FGF13: variants seen among roughly 807,000 people sequenced by gnomAD.
FGF13 encodes the protein fibroblast growth factor 13.
Under a neutral mutation model 19.5 loss-of-function variants are expected in FGF13, and 2 were observed. The observed-to-expected ratio is 0.10, with a 90% CI of 0.04 to 0.32. The LOEUF is 0.32. FGF13 is among the 10% of genes least tolerant of loss of function. The pLI is 1.00. For missense variants in FGF13, 113 were observed against 192.7 expected, an observed-to-expected ratio of 0.59 and a Z score of 2.45; for synonymous variants, 72 against 76.9, an observed-to-expected ratio of 0.94 and a Z score of 0.33.
rs2089016929 is a variant in FGF13, at chrX:138,621,719, A to T, written c.*11131T>A. 1 of 111,609 alleles carries T rather than the reference A, an allele frequency of 9.0e-6. No individual in the cohort carries two copies. The highest frequency in any genetic ancestry group is 3.7e-4 in the South Asian group (1 of 2,726). 9.2% of individuals were successfully genotyped at this position (111,609 alleles called of 1,213,427 possible). A position where few individuals can be genotyped will look rare whatever the true frequency, so the allele number is the denominator to read the frequency against. On this transcript the variant is annotated 3_prime_UTR_variant, in exon 5 of 5. Coordinates refer to ENST00000315930, the MANE Select transcript of FGF13 (RefSeq NM_004114.5). ...TTTAGCTAGAGTAACTGAGAGTGAAAGAGAAAAGACATAAACAAATAAAAT... is the reference window on the plus strand; with the variant it reads ...TTTAGCTAGAGTAACTGAGAGTGAATGAGAAAAGACATAAACAAATAAAAT...
intron 1 of FGF13, among the ~76,000 whole-genome samples, chrX:138,970,201 T>C (rs1319718740): frequency 8.9e-6 from 1 of 111,871 alleles, no homozygotes; most frequent in African/African-American, 3.3e-5. Flanking sequence ...AGTGCATGAA[T>C]GATGTCTGTT....
At chrX:139,009,846 A>C (rs894916673) in intron 1 of FGF13, among the ~76,000 whole-genome samples, 2 of 111,869 alleles carry the variant, frequency 1.8e-5, no homozygotes, top group Admixed American at 1.9e-4. Context: ...TACTCCACTT[A>C]AAAAACACAG....
chrX:138,695,032 C>T (rs1004125603), intron 3 of FGF13, among the ~76,000 whole-genome samples: 1 of 98,120 alleles, frequency 1.0e-5, no homozygotes, highest in Non-Finnish European at 2.1e-5. Context: ...CACACACACA[C>T]AAACCCAGAA....
At chrX:139,152,673 G>GA (rs2083944483) in intron 1 of FGF13, among the ~76,000 whole-genome samples, 1 of 110,780 alleles carries the variant, frequency 9.0e-6, no homozygotes, top group South Asian at 3.9e-4. Flanking sequence ...CTGCCCAGGG[G>GA]AAAAAAATCA....
intron 1 of FGF13, among the ~76,000 whole-genome samples, chrX:139,099,377 C>CAAAAAAAAAAAA (rs59882808): frequency 5.8e-4 from 19 of 32,942 alleles, no homozygotes; most frequent in African/African-American, 1.5e-3. Context: ...GTTTCTATCT[C>CAAAAAAAAAAAA]AAAAAAAAAA....
intron 1 of FGF13, among the ~76,000 whole-genome samples, chrX:138,922,564 A>G (rs184984734): frequency 2.0e-4 from 22 of 111,686 alleles, no homozygotes; most frequent in East Asian, 2.8e-4. Context: ...CTGCCTTCCA[A>G]TTGTCCACTA....
Position 139,196,548 on chromosome X carries a change from A to G in FGF13, c.-113+6868T>C, listed in dbSNP as rs754467574. Among the ~76,000 whole-genome samples the G allele has an allele frequency of 6.2e-5, 7 of 112,438 alleles. No homozygotes were observed. In the East Asian group the frequency reaches 2.0e-3, roughly 32 times the overall value. ...GCCCTGGAGCAACCATGTATTTAGT[A>G]TAGGCACACTCCTCCTAATTATGTC... On this transcript the variant is annotated intron_variant, in intron 1 of 2. Coordinates refer to the FGF13 transcript ENST00000421460.
chrX:138,978,266 G>GTTTTTTTTTTTTTTGTTTT lies in FGF13; in HGVS notation c.-112-113617_-112-113616insAAAACAAAAAAAAAAAAAA, dbSNP rs761673065. Among the ~76,000 whole-genome samples, 154 of 82,887 alleles carry GTTTTTTTTTTTTTTGTTTT rather than the reference G, an allele frequency of 1.9e-3. 12 individuals carry two copies. The highest frequency in any genetic ancestry group is 7.2e-3 in the African/African-American group (146 of 20,400). The allele number at this position is 82,887 out of a possible 115,157, so 72.0% of individuals were successfully genotyped here. A position where few individuals can be genotyped will look rare whatever the true frequency, so the allele number is the denominator to read the frequency against. On this transcript the variant is annotated intron_variant, in intron 1 of 2. Coordinates refer to the FGF13 transcript ENST00000421460. ...TAATCTCTATGGGCTAGCTGCCCTGGTTTTTTTTTTTTTTGAGATGGAGTC... is the reference window on the plus strand; with the variant it reads ...TAATCTCTATGGGCTAGCTGCCCTGGTTTTTTTTTTTTTTGTTTTTTTTTTTTTTTTTTGAGATGGAGTC...
chrX:138,936,072 AG>A (rs1280128836), intron 1 of FGF13, among the ~76,000 whole-genome samples: 2 of 112,374 alleles, frequency 1.8e-5, no homozygotes, highest in Non-Finnish European at 3.8e-5. Context: ...GGTGATTCCA[AG>A]GTCCCAAAGT....
intron 3 of FGF13, among the ~76,000 whole-genome samples, chrX:138,669,512 A>G (rs909592526): frequency 9.0e-6 from 1 of 111,533 alleles, no homozygotes; most frequent in Non-Finnish European, 1.9e-5. Flanking sequence ...TTTTCAACAA[A>G]TAACTGTCTC....
At chrX:138,672,187 T>C (rs1481629935) in intron 3 of FGF13, among the ~76,000 whole-genome samples, 1 of 111,138 alleles carries the variant, frequency 9.0e-6, no homozygotes, top group Non-Finnish European at 1.9e-5. Flanking sequence ...ACTAAGGATT[T>C]TGGACGTTGA....
At chrX:138,721,268 A>G (rs1299708866) in intron 1 of FGF13, among the ~76,000 whole-genome samples, 1 of 111,906 alleles carries the variant, frequency 8.9e-6, no homozygotes, top group Non-Finnish European at 1.9e-5. Context: ...CAAATTAAAG[A>G]TTGTGTGAAA....
At chrX:138,960,302 A>C (rs975187851) in intron 1 of FGF13, among the ~76,000 whole-genome samples, 1 of 111,779 alleles carries the variant, frequency 8.9e-6, no homozygotes, top group Non-Finnish European at 1.9e-5. Context: ...GCTGGATATG[A>C]AATTCTGGGT....
chrX:139,009,922 G>A (rs1040524380), intron 1 of FGF13, among the ~76,000 whole-genome samples: 2 of 111,409 alleles, frequency 1.8e-5, no homozygotes, highest in East Asian at 2.8e-4. Context: ...CACCTAACAC[G>A]TAAGGACCCA....
chrX:138,654,399 A>G (rs912353322), intron 3 of FGF13, among the ~76,000 whole-genome samples: 8 of 112,177 alleles, frequency 7.1e-5, no homozygotes, highest in Admixed American at 4.7e-4. Context: ...GTCTATAGTC[A>G]GCATCAAATC....
At chrX:139,144,260 C>T (rs1284838462) in intron 1 of FGF13, among the ~76,000 whole-genome samples, 1 of 108,631 alleles carries the variant, frequency 9.2e-6, no homozygotes, top group Non-Finnish European at 1.9e-5. Flanking sequence ...TTAAGTTCAG[C>T]CCAGCCCTTG....
chrX:139,111,446 A>C (rs1291398124), intron 1 of FGF13, among the ~76,000 whole-genome samples: 1 of 112,259 alleles, frequency 8.9e-6, no homozygotes, highest in Non-Finnish European at 1.9e-5. Context: ...TAGTTATAGC[A>C]ACATACTCTA....
At chrX:138,862,220 A>G (rs2091292174) in intron 2 of FGF13, among the ~76,000 whole-genome samples, 1 of 112,060 alleles carries the variant, frequency 8.9e-6, no homozygotes, top group African/African-American at 3.2e-5. Context: ...GGCCACTGTA[A>G]TTCGCAAGGT....
intron 1 of FGF13, among the ~76,000 whole-genome samples, chrX:139,114,553 G>T (rs749130246): frequency 9.0e-6 from 1 of 111,513 alleles, no homozygotes; most frequent in Admixed American, 9.6e-5. Context: ...CATGGGCAAG[G>T]CATTGGACTT....
Sources: allele counts gnomAD v4.1 joint callset (sites outside exome capture counted in the v4.1 genomes callset), GRCh38; gene constraint gnomAD v4.1.1; transcripts MANE v1.5; gene names NCBI Gene and HGNC (gene_info 2026-07-23, HGNC 2026-07-21).